Variants in EIF1AX observed in about 807,000 individuals in gnomAD.
EIF1AX encodes the protein eukaryotic translation initiation factor 1A, X-chromosomal.
Under a neutral mutation model 16.1 loss-of-function variants are expected in EIF1AX, and 1 was observed. That is an observed-to-expected ratio of 0.06 (90% CI 0.02 to 0.30). EIF1AX has a LOEUF of 0.30. EIF1AX is among the 10% of genes least tolerant of loss of function. The pLI is 1.00. For missense variants in EIF1AX, 11 were observed against 109.1 expected (o/e 0.10, Z 4.00); for synonymous variants, 32 against 37.3 (o/e 0.86, Z 0.51).
rs755191095 is a variant in EIF1AX, at chrX:20,130,400, C to T, written c.429+116G>A. 4 of 627,788 alleles carry T rather than the reference C, an allele frequency of 6.4e-6. No homozygotes were observed. In the African/African-American group the frequency reaches 1.0e-4, roughly 16 times the overall value. 51.7% of individuals were successfully genotyped at this position (627,788 alleles called of 1,213,427 possible). A position where few individuals can be genotyped will look rare whatever the true frequency, so the allele number is the denominator to read the frequency against. On this transcript the variant is annotated intron_variant, in intron 6 of 6. Transcript: ENST00000379607. ...AATATTATTTAATTCAGACAATTCTCAAAATACAACCTTATTTAAGTGTCC... is the reference window on the plus strand; with the variant it reads ...AATATTATTTAATTCAGACAATTCTTAAAATACAACCTTATTTAAGTGTCC...
At chrX:20,129,013 AG>A (rs1023150145) in intron 6 of EIF1AX, among the ~76,000 whole-genome samples, 3 of 109,818 alleles carry the variant, frequency 2.7e-5, no homozygotes, top group African/African-American at 1.0e-4. Context: ...TCCACATGTC[AG>A]CTGCAAGCTC....
rs760888515 is a variant in EIF1AX at position 20,138,632 on chromosome X, TA to T, written c.17-11del. 22 of 1,112,168 alleles carry T rather than the reference TA, an allele frequency of 2.0e-5. No homozygotes were observed. Among genetic ancestry groups the T allele is most frequent in the East Asian group, 3.0e-5 (1 of 32,910 alleles). 91.7% of individuals were successfully genotyped at this position (1,112,168 alleles called of 1,213,427 possible). On this transcript the variant is annotated splice_polypyrimidine_tract_variant and intron_variant, in intron 1 of 6. Coordinates refer to ENST00000379607, the MANE Select transcript of EIF1AX (RefSeq NM_001412.4). ...TTTTTACCTCCTTTACCTGATGGTT[TA>T]AAAAAAAGAAAAGGAGGTAAATGAC...
intron 1 of EIF1AX, chrX:20,140,579 A>G (rs1440021481): frequency 8.9e-6 from 1 of 112,341 alleles, no homozygotes; most frequent in East Asian, 2.8e-4. Context: ...TGACAGCTAC[A>G]AAGAGGAAAT....
chrX:20,137,994 GTTTTTTTTTTT>G (rs72040979), intron 2 of EIF1AX, among the ~76,000 whole-genome samples: 5 of 36,764 alleles, frequency 1.4e-4, no homozygotes, highest in East Asian at 1.1e-3. Context: ...TCTCTATACA[GTTTTTTTTTTT>G]TTTTTTTTTT....
At chrX:20,129,242 G>A (rs933135754) in intron 6 of EIF1AX, among the ~76,000 whole-genome samples, 6 of 111,070 alleles carry the variant, frequency 5.4e-5, no homozygotes, top group Admixed American at 4.8e-4. Context: ...AACTGCTCTA[G>A]GTATTCCGAA....
rs1390538160 is a variant in EIF1AX at position 20,125,489 on chromosome X, A to T, written c.*2817T>A. On this transcript the variant is annotated 3_prime_UTR_variant, in exon 7 of 7. Transcript: ENST00000379607. ...GAAGTAGAATAAAGATAAGCATTTCATACCAATACAAATCATTTTCATCTT... is the reference window on the plus strand; with the variant it reads ...GAAGTAGAATAAAGATAAGCATTTCTTACCAATACAAATCATTTTCATCTT... 2 of 170,013 alleles carry T rather than the reference A, an allele frequency of 1.2e-5. No individual in the cohort carries two copies. Among genetic ancestry groups the T allele is most frequent in the Non-Finnish European group, 2.3e-5 (2 of 88,762 alleles). 14.0% of individuals were successfully genotyped at this position (170,013 alleles called of 1,213,427 possible). A position where few individuals can be genotyped will look rare whatever the true frequency, so the allele number is the denominator to read the frequency against.
rs371278827 is a variant in EIF1AX at position 20,137,487 on chromosome X, T to C, written c.100+1052A>G. On this transcript the variant is annotated intron_variant, in intron 2 of 6. Coordinates refer to ENST00000379607, the MANE Select transcript of EIF1AX (RefSeq NM_001412.4). Reference sequence around the variant, plus strand: ...AATCCCACATATATATTTCTTTATATGTGTGTGTACAGATGAAGGATTTAA... The same window carrying C: ...AATCCCACATATATATTTCTTTATACGTGTGTGTACAGATGAAGGATTTAA... 6.0e-4 allele frequency among the ~76,000 whole-genome samples: 67 copies of C among 111,376 alleles called. 3 individuals are homozygous for C. The South Asian group carries it at 0.025, about 42-fold the overall frequency.
intron 4 of EIF1AX, 28 bp from the exon 5 acceptor site, chrX:20,132,291 A>G (rs1442170778): frequency 1.1e-6 from 1 of 936,408 alleles, no homozygotes; most frequent in Admixed American, 2.5e-5. Context: ...AACTTTAAAA[A>G]ACTGATCATA....
At chrX:20,136,197 C>G (rs779717584) in intron 2 of EIF1AX, 129 of 315,154 alleles carry the variant, frequency 4.1e-4, no homozygotes, top group South Asian at 3.7e-3. Flanking sequence ...CTCATTCATT[C>G]CTACAACTGC....
rs1181053768 is a variant in EIF1AX at position 20,141,768 on chromosome X, T to A, written c.-128A>T. 2 of 683,684 alleles carry A rather than the reference T, an allele frequency of 2.9e-6. No individual in the cohort carries two copies. The highest frequency in any genetic ancestry group is 2.1e-6 in the Non-Finnish European group (1 of 483,234). The allele number at this position is 683,684 out of a possible 1,213,427, so 56.3% of individuals were successfully genotyped here. On this transcript the variant is annotated 5_prime_UTR_variant, in exon 1 of 7. Coordinates refer to ENST00000379607, the MANE Select transcript of EIF1AX (RefSeq NM_001412.4). The stretch of plus-strand genomic sequence containing the variant: ...AGTAGGTGCTGGAGGCCAGGCAACG[T>A]GCGCGGGAGAGGCTGGCGACCCAGC...
intron 5 of EIF1AX, 144 bp from the exon 6 acceptor site, chrX:20,130,751 G>T: frequency 5.9e-6 from 3 of 505,507 alleles, no homozygotes; most frequent in Non-Finnish European, 8.7e-6. Context: ...GCTAAGTCAA[G>T]ATGGGAGTAT....
chrX:20,129,119 A>G (rs2066993728), intron 6 of EIF1AX, among the ~76,000 whole-genome samples: 1 of 111,492 alleles, frequency 9.0e-6, no homozygotes, highest in Non-Finnish European at 1.9e-5. Flanking sequence ...CTCCAAAATT[A>G]AGAAAATAAC....
chrX:20,129,078 T>A (rs1489455832), intron 6 of EIF1AX, among the ~76,000 whole-genome samples: 1 of 111,387 alleles, frequency 9.0e-6, no homozygotes, highest in Non-Finnish European at 1.9e-5. Context: ...TTAGTAACAG[T>A]TTAGTCGTAA....
intron 6 of EIF1AX, among the ~76,000 whole-genome samples, chrX:20,128,677 C>A (rs2066992205): frequency 8.9e-6 from 1 of 111,837 alleles, no homozygotes; most frequent in African/African-American, 3.2e-5. Flanking sequence ...CATCTATAAA[C>A]CACCTGGAGA....
rs188507951 is a variant in EIF1AX, at chrX:20,134,484, T to A, written c.205-477A>T. On this transcript the variant is annotated intron_variant, in intron 3 of 6. Transcript: ENST00000379607. Reference sequence around the variant, plus strand: ...CTGGCATTGTGGCTCACGCCTATAATCCCAGCACTTTGGGAGGCCGAGGCC... The same window carrying A: ...CTGGCATTGTGGCTCACGCCTATAAACCCAGCACTTTGGGAGGCCGAGGCC... Among the ~76,000 whole-genome samples, 511 of 111,692 alleles carry A rather than the reference T, an allele frequency of 4.6e-3. 10 individuals are homozygous for A. Among genetic ancestry groups the A allele is most frequent in the Admixed American group, 0.043 (454 of 10,627 alleles).
intron 5 of EIF1AX, among the ~76,000 whole-genome samples, chrX:20,130,811 C>A (rs745794686): frequency 1.8e-5 from 2 of 111,876 alleles, no homozygotes; most frequent in Admixed American, 1.9e-4. Context: ...GTAAGGAAGG[C>A]CCTAATTACA....
intron 6 of EIF1AX, among the ~76,000 whole-genome samples, chrX:20,129,040 T>C (rs111992396): frequency 7.2e-5 from 8 of 111,132 alleles, no homozygotes; most frequent in African/African-American, 1.6e-4. Flanking sequence ...TACCAAAGAA[T>C]AGAATTGTTA....
intron 1 of EIF1AX, among the ~76,000 whole-genome samples, chrX:20,139,004 G>A (rs2067026102): frequency 8.9e-6 from 1 of 112,303 alleles, no homozygotes; most frequent in Non-Finnish European, 1.9e-5. Flanking sequence ...CCCTATGCAA[G>A]GAACCCGATA....
At chrX:20,140,465 ATT>A (rs950650501) in intron 1 of EIF1AX, 1 of 112,393 alleles carries the variant, frequency 8.9e-6, no homozygotes, top group African/African-American at 3.2e-5. Context: ...AGACTTTAAA[ATT>A]TTTTGTTTAT....
Sources: allele counts gnomAD v4.1 joint callset (sites outside exome capture counted in the v4.1 genomes callset), GRCh38; gene constraint gnomAD v4.1.1; transcripts MANE v1.5; gene names NCBI Gene and HGNC (gene_info 2026-07-23, HGNC 2026-07-21).